Variants in TBC1D22A observed in about 807,000 individuals in gnomAD.
TBC1D22A encodes TBC1 domain family member 22A.
A neutral mutation model predicts 60.2 loss-of-function variants in TBC1D22A; 38 were observed. That is an observed-to-expected ratio of 0.63 (90% CI 0.49 to 0.83). The LOEUF is 0.83. TBC1D22A is among the 40% of genes least tolerant of loss of function. The pLI is 0.00. For missense variants in TBC1D22A, 628 were observed against 701.0 expected (o/e 0.90, Z 1.18); for synonymous variants, 302 against 281.7 (o/e 1.07, Z -0.72).
intron 12 of TBC1D22A, among the ~76,000 whole-genome samples, chr22:47,160,467 C>T (rs547402723): frequency 5.2e-4 from 79 of 152,296 alleles, no homozygotes; most frequent in African/African-American, 1.8e-3. Flanking sequence ...CGGTAGCTGA[C>T]GCAGCTGCAG....
At chr22:46,811,735 T>C (rs2085386413) in intron 4 of TBC1D22A, among the ~76,000 whole-genome samples, 1 of 152,134 alleles carries the variant, frequency 6.6e-6, no homozygotes, top group South Asian at 2.1e-4. Context: ...CAGCATCCAG[T>C]CTGTCGCCCT....
intron 11 of TBC1D22A, among the ~76,000 whole-genome samples, chr22:47,049,268 T>C (rs1025269658): frequency 2.6e-5 from 4 of 152,198 alleles, no homozygotes; most frequent in African/African-American, 4.8e-5. Flanking sequence ...GATATTAACC[T>C]CCCAGCTCCT....
chr22:46,943,100 A>G (rs2072277406), intron 8 of TBC1D22A, among the ~76,000 whole-genome samples: 1 of 152,170 alleles, frequency 6.6e-6, no homozygotes, highest in Non-Finnish European at 1.5e-5. Flanking sequence ...GTCAGTGCAA[A>G]AGAATTATGA....
chr22:46,915,754 T>C, intron 8 of TBC1D22A: 1 of 456,694 alleles, frequency 2.2e-6, no homozygotes, highest in Non-Finnish European at 4.4e-6. Flanking sequence ...TCGCCATGTG[T>C]CCAGAGCCTG....
intron 8 of TBC1D22A, among the ~76,000 whole-genome samples, chr22:46,964,381 C>T (rs554183003): frequency 3.2e-4 from 48 of 152,300 alleles, no homozygotes; most frequent in Non-Finnish European, 5.0e-4. Flanking sequence ...GCAGAGCATG[C>T]GGCCTCTGCC....
intron 11 of TBC1D22A, among the ~76,000 whole-genome samples, chr22:47,043,780 T>C (rs1056238633): frequency 2.6e-5 from 4 of 152,074 alleles, no homozygotes; most frequent in Non-Finnish European, 5.9e-5. Context: ...ATTCCAAGGC[T>C]CTGAGGGCAG....
chr22:47,071,004 A>G (rs913098421), intron 11 of TBC1D22A, among the ~76,000 whole-genome samples: 1 of 152,260 alleles, frequency 6.6e-6, no homozygotes, highest in Non-Finnish European at 1.5e-5. Flanking sequence ...AAATGGCCCA[A>G]TAATTCCATT....
chr22:46,938,526 G>C (rs2071792504), intron 8 of TBC1D22A, among the ~76,000 whole-genome samples: 1 of 151,792 alleles, frequency 6.6e-6, no homozygotes, highest in African/African-American at 2.4e-5. Context: ...TCTTTATCTG[G>C]AAACATTTTG....
At chr22:46,932,453 T>C (rs1364201877) in intron 8 of TBC1D22A, among the ~76,000 whole-genome samples, 1 of 152,240 alleles carries the variant, frequency 6.6e-6, no homozygotes, top group Non-Finnish European at 1.5e-5. Flanking sequence ...TATCCACGAG[T>C]GACAGTGGTG....
At chr22:46,786,894 C>T (rs574885760) in intron 1 of TBC1D22A, among the ~76,000 whole-genome samples, 2 of 152,098 alleles carry the variant, frequency 1.3e-5, no homozygotes, top group South Asian at 4.1e-4. Context: ...CTTTGTTGGC[C>T]AGGCTGGTCT....
chr22:47,019,454 G>A (rs1184945534), intron 10 of TBC1D22A, among the ~76,000 whole-genome samples: 1 of 152,236 alleles, frequency 6.6e-6, no homozygotes, highest in African/African-American at 2.4e-5. Flanking sequence ...GTGACAGCGA[G>A]CGTGAAGGAC....
chr22:46,766,436 C>T (rs1248481597), intron 1 of TBC1D22A, among the ~76,000 whole-genome samples: 2 of 152,154 alleles, frequency 1.3e-5, no homozygotes, highest in East Asian at 1.9e-4. Flanking sequence ...GCCTTGTTTT[C>T]CTCTTTGTTT....
intron 11 of TBC1D22A, among the ~76,000 whole-genome samples, chr22:47,101,742 T>G (rs2065425170): frequency 6.6e-6 from 1 of 152,162 alleles, no homozygotes; most frequent in Non-Finnish European, 1.5e-5. Context: ...GGCACCGAGT[T>G]AGGTGGATGG....
intron 11 of TBC1D22A, among the ~76,000 whole-genome samples, chr22:47,055,553 C>A (rs1040275412): frequency 6.6e-5 from 10 of 152,144 alleles, no homozygotes; most frequent in African/African-American, 2.4e-4. Flanking sequence ...TGGAGCCCGA[C>A]CCTATGCTGT....
intron 12 of TBC1D22A, among the ~76,000 whole-genome samples, chr22:47,148,219 G>A (rs2147165156): frequency 1.3e-5 from 2 of 152,166 alleles, no homozygotes; most frequent in East Asian, 3.9e-4. Context: ...CCCCCGGCAG[G>A]TGTGCTCCTG....
Position 46,974,406 on chromosome 22 carries a change from G to C in TBC1D22A, c.1125+7G>C. On this transcript the variant is annotated splice_region_variant and intron_variant, in intron 9 of 12. Transcript: ENST00000337137. ...GCTGCTGGATGGCATTCAGGTGAGC[G>C]CCCGCGCCCACGGGACACAGCCCAC... The C allele has an allele frequency of 6.2e-7, 1 of 1,604,192 alleles. No homozygotes were observed.
intron 4 of TBC1D22A, among the ~76,000 whole-genome samples, chr22:46,837,405 A>T (rs890302860): frequency 2.6e-5 from 4 of 152,208 alleles, no homozygotes; most frequent in African/African-American, 9.6e-5. Context: ...ACCTAACAAG[A>T]TATAGACAGA....
At chr22:46,909,548 C>G (rs1263592072) in intron 7 of TBC1D22A, among the ~76,000 whole-genome samples, 2 of 152,192 alleles carry the variant, frequency 1.3e-5, no homozygotes, top group Non-Finnish European at 2.9e-5. Context: ...CCCGGGCCTT[C>G]TTGGTTAGGA....
At chr22:46,855,208 G>T (rs2087505821) in intron 4 of TBC1D22A, among the ~76,000 whole-genome samples, 1 of 152,168 alleles carries the variant, frequency 6.6e-6, no homozygotes, top group Non-Finnish European at 1.5e-5. Context: ...TATTACTTGT[G>T]CCCAAGGTGT....
Sources: gnomAD v4.1 joint callset for allele counts (sites outside exome capture counted in the v4.1 genomes callset) on GRCh38, gnomAD v4.1.1 for gene constraint, MANE v1.5 for transcripts, NCBI Gene and HGNC (gene_info 2026-07-23, HGNC 2026-07-21) for gene names.